GNA14: variants seen among roughly 807,000 people sequenced by gnomAD.
GNA14 encodes guanine nucleotide-binding protein subunit alpha-14.
A neutral mutation model predicts 42.0 loss-of-function variants in GNA14; 50 were observed. The observed-to-expected ratio is 1.19, with a 90% CI of 0.95 to 1.51. The LOEUF (loss-of-function observed/expected upper bound fraction) is 1.51, where lower values mean the gene tolerates loss of function less well. Ranked by LOEUF, GNA14 falls within the 40% of genes most tolerant of loss-of-function variation. The pLI is 0.00. For missense variants in GNA14, 473 were observed against 446.2 expected, an observed-to-expected ratio of 1.06 and a Z score of -0.54; for synonymous variants, 173 against 163.1, an observed-to-expected ratio of 1.06 and a Z score of -0.46.
chr9:77,501,818 C>T (rs1466286035), intron 2 of GNA14, among the ~76,000 whole-genome samples: 3 of 151,128 alleles, frequency 2.0e-5, no homozygotes, highest in Non-Finnish European at 4.4e-5. Context: ...TCACCCCATT[C>T]TCCTGCCTCA....
At chr9:77,499,423 G>T (rs1047119326) in intron 2 of GNA14, among the ~76,000 whole-genome samples, 1 of 149,850 alleles carries the variant, frequency 6.7e-6, no homozygotes, top group Non-Finnish European at 1.5e-5. Flanking sequence ...ATATTGCAAA[G>T]AATTGAATAT....
In GNA14 at chr9:77,502,147, A is replaced by G. The variant is rs748261854; in HGVS notation, c.309+26922T>C. On this transcript the variant is annotated intron_variant, in intron 2 of 6. Coordinates refer to ENST00000341700, the MANE Select transcript of GNA14 (RefSeq NM_004297.4). ...TAAAATTTCCATTTTGTTCCTCTCTATATGTCTTATTTCTTTGTTGAGACT... is the reference window on the plus strand; with the variant it reads ...TAAAATTTCCATTTTGTTCCTCTCTGTATGTCTTATTTCTTTGTTGAGACT... Among the ~76,000 whole-genome samples the G allele has an allele frequency of 1.8e-4, 27 of 151,952 alleles. 1 individual carries two copies. The highest frequency in any genetic ancestry group is 3.1e-4 in the African/African-American group (13 of 41,376).
At chr9:77,469,365 TAAAAAAAAAAAAAA>T (rs10537760) in intron 2 of GNA14, among the ~76,000 whole-genome samples, 1 of 116,934 alleles carries the variant, frequency 8.6e-6, no homozygotes, top group African/African-American at 3.2e-5. Context: ...TAAACTGTGT[TAAAAAAAAAAAAAA>T]AAAAAAAAAG....
At chr9:77,644,561 A>T (rs1455730268) in intron 1 of GNA14, among the ~76,000 whole-genome samples, 1 of 151,982 alleles carries the variant, frequency 6.6e-6, no homozygotes, top group African/African-American at 2.4e-5. Context: ...CGGAAAAACC[A>T]AACCTGCCAA....
chr9:77,465,954 T>G (rs1836214984), intron 2 of GNA14, among the ~76,000 whole-genome samples: 1 of 152,224 alleles, frequency 6.6e-6, no homozygotes, highest in Admixed American at 6.5e-5. Context: ...GCTTCTATTT[T>G]TCCAGTGGGA....
chr9:77,470,178 A>C (rs1836306558), intron 2 of GNA14, among the ~76,000 whole-genome samples: 1 of 152,162 alleles, frequency 6.6e-6, no homozygotes, highest in South Asian at 2.1e-4. Flanking sequence ...CAGGATGTTC[A>C]CTGAACCTCT....
chr9:77,587,886 T>TGG (rs1308481422), intron 1 of GNA14, among the ~76,000 whole-genome samples: 1 of 152,204 alleles, frequency 6.6e-6, no homozygotes, highest in East Asian at 1.9e-4. Flanking sequence ...ACCTAGGGGT[T>TGG]GGAGGGCTCT....
At chr9:77,468,938 C>G (rs1443322910) in intron 2 of GNA14, among the ~76,000 whole-genome samples, 1 of 152,204 alleles carries the variant, frequency 6.6e-6, no homozygotes. Context: ...GAATGCTGTT[C>G]TTAAAACTCT....
At chr9:77,424,863 A>G (rs911537637) in intron 6 of GNA14, among the ~76,000 whole-genome samples, 4 of 152,132 alleles carry the variant, frequency 2.6e-5, no homozygotes, top group African/African-American at 9.7e-5. Flanking sequence ...GCTACACTAC[A>G]CAGCCAGTAT....
At chr9:77,577,192 A>T (rs1186763751) in intron 1 of GNA14, among the ~76,000 whole-genome samples, 1 of 152,196 alleles carries the variant, frequency 6.6e-6, no homozygotes, top group Non-Finnish European at 1.5e-5. Flanking sequence ...AAAATTACTC[A>T]AGAATTCATT....
chr9:77,539,930 A>C (rs1837638981), intron 1 of GNA14, among the ~76,000 whole-genome samples: 1 of 151,950 alleles, frequency 6.6e-6, no homozygotes, highest in Admixed American at 6.6e-5. Context: ...TTATCTTTTC[A>C]AATAACCAAC....
intron 1 of GNA14, among the ~76,000 whole-genome samples, chr9:77,619,375 A>AT (rs1823887020): frequency 6.6e-6 from 1 of 151,996 alleles, no homozygotes; most frequent in Non-Finnish European, 1.5e-5. Context: ...CTAATTTTGT[A>AT]TTTTTAGTAT....
At chr9:77,615,270 T>G (rs1823792463) in intron 1 of GNA14, among the ~76,000 whole-genome samples, 1 of 152,096 alleles carries the variant, frequency 6.6e-6, no homozygotes. Context: ...TCCCAGAAAT[T>G]ATCCCAAATT....
In GNA14 at chr9:77,646,323, C is replaced by T. The variant is rs576083970; in HGVS notation, c.124+1347G>A. On this transcript the variant is annotated intron_variant, in intron 1 of 6. Coordinates refer to ENST00000341700, the MANE Select transcript of GNA14 (RefSeq NM_004297.4). ...CAGGCCTTAGAAGCTGGTATGGGTC[C>T]CTTTGGGCTGGGTATTCATTCCATC... Among the ~76,000 whole-genome samples, 198 of 152,268 alleles carry T rather than the reference C, an allele frequency of 1.3e-3. 1 individual carries two copies. Among genetic ancestry groups the T allele is most frequent in the African/African-American group, 4.2e-3 (176 of 41,542 alleles).
At chr9:77,477,928 A>G (rs942927281) in intron 2 of GNA14, among the ~76,000 whole-genome samples, 55 of 152,254 alleles carry the variant, frequency 3.6e-4, no homozygotes, top group Admixed American at 5.9e-4. Flanking sequence ...AAATAAAATA[A>G]TAAGAAAATT....
chr9:77,501,339 T>A (rs1012301774), intron 2 of GNA14, among the ~76,000 whole-genome samples: 2 of 152,204 alleles, frequency 1.3e-5, no homozygotes, highest in African/African-American at 4.8e-5. Context: ...AATGGTTTAG[T>A]TCCTCCACAT....
intron 1 of GNA14, among the ~76,000 whole-genome samples, chr9:77,642,230 A>G (rs1474630623): frequency 6.6e-6 from 1 of 152,198 alleles, no homozygotes; most frequent in Non-Finnish European, 1.5e-5. Context: ...AAGGTTCTGT[A>G]TTCATTTAAG....
chr9:77,462,319 G>T (rs533551658), intron 2 of GNA14, among the ~76,000 whole-genome samples: 3 of 152,284 alleles, frequency 2.0e-5, no homozygotes, highest in South Asian at 2.1e-4. Flanking sequence ...ATACCAGTGA[G>T]GGGGGAATCC....
At chr9:77,552,079 G>T (rs1489983963) in intron 1 of GNA14, among the ~76,000 whole-genome samples, 1 of 141,886 alleles carries the variant, frequency 7.0e-6, no homozygotes, top group East Asian at 2.1e-4. Context: ...GGCAGAGGTT[G>T]CAGTGAGCCA....
Sources: gnomAD v4.1 joint callset for allele counts (sites outside exome capture counted in the v4.1 genomes callset) on GRCh38, gnomAD v4.1.1 for gene constraint, MANE v1.5 for transcripts, NCBI Gene and HGNC (gene_info 2026-07-23, HGNC 2026-07-21) for gene names.